The following MED12L variants were observed in gnomAD, a reference collection of about 807,000 sequenced individuals.
MED12L encodes the protein mediator of RNA polymerase II transcription subunit 12-like protein.
A neutral mutation model predicts 281.3 loss-of-function variants in MED12L; 60 were observed. The observed-to-expected ratio is 0.21, with a 90% CI of 0.17 to 0.26. MED12L has a LOEUF of 0.26. Among genes scored for constraint, MED12L ranks in the 10% least tolerant of loss-of-function variants. The pLI, the probability that MED12L is intolerant of heterozygous loss-of-function variation, is 1.00. For synonymous variants in MED12L, 974 were observed against 987.2 expected (o/e 0.99, Z 0.25); for missense variants, 2,146 against 2,680.9 (o/e 0.80, Z 4.41).
intron 2 of MED12L, among the ~76,000 whole-genome samples, chr3:151,091,654 T>G (rs1414159616): frequency 6.6e-6 from 1 of 152,234 alleles, no homozygotes. Context: ...TTAGTTCAGA[T>G]CTAAGGGAAT....
intron 16 of MED12L, among the ~76,000 whole-genome samples, chr3:151,201,557 A>T: frequency 6.6e-6 from 1 of 152,250 alleles, no homozygotes; most frequent in East Asian, 1.9e-4. Context: ...CTTTCACAGC[A>T]TGTTCAGGCA....
At chr3:151,197,439 C>T (rs1037303985) in intron 16 of MED12L, among the ~76,000 whole-genome samples, 2 of 152,144 alleles carry the variant, frequency 1.3e-5, no homozygotes, top group African/African-American at 2.4e-5. Flanking sequence ...TGAGCCACCA[C>T]GCCCGGCTGG....
chr3:151,406,063 A>G (rs1282221590), intron 39 of MED12L, among the ~76,000 whole-genome samples: 1 of 152,212 alleles, frequency 6.6e-6, no homozygotes, highest in African/African-American at 2.4e-5. Flanking sequence ...AAATTAACAG[A>G]TAACTAAGGT....
intron 11 of MED12L, among the ~76,000 whole-genome samples, chr3:151,180,627 A>G (rs909841194): frequency 1.3e-5 from 2 of 152,190 alleles, no homozygotes; most frequent in African/African-American, 4.8e-5. Context: ...GATGTGTTCA[A>G]AAGAACTCTT....
chr3:151,199,016 C>G lies in MED12L; in HGVS notation c.2250+5350C>G. On this transcript the variant is annotated intron_variant, in intron 16 of 44. Coordinates refer to ENST00000687756, the MANE Select transcript of MED12L (RefSeq NM_001393769.1). ...TTTGGCAAATCCGGGTTCTTGTATT[C>G]GGTAGATCTTGCAGCTGTGTGTCAG... is the stretch of plus-strand genomic sequence containing the variant. 6.2e-7 allele frequency: 1 copy of G among 1,614,050 alleles called. No homozygotes were observed. The highest frequency in any genetic ancestry group is 8.5e-7 in the Non-Finnish European group (1 of 1,180,002).
intron 16 of MED12L, among the ~76,000 whole-genome samples, chr3:151,217,932 A>G (rs763021496): frequency 7.9e-5 from 12 of 152,216 alleles, no homozygotes; most frequent in Admixed American, 7.9e-4. Context: ...TAAGGCAAGT[A>G]AGACCAAATT....
chr3:151,141,188 T>TTTTTTTG (rs1716953493), intron 5 of MED12L, among the ~76,000 whole-genome samples: 1 of 88,922 alleles, frequency 1.1e-5, no homozygotes, highest in Non-Finnish European at 2.1e-5. Context: ...GTTTTTTTTG[T>TTTTTTTG]TTTTTTTTTT....
At chr3:151,181,820 A>T (rs143533969) in intron 11 of MED12L, among the ~76,000 whole-genome samples, 1 of 152,046 alleles carries the variant, frequency 6.6e-6, no homozygotes, top group Non-Finnish European at 1.5e-5. Flanking sequence ...TCCTAACCTC[A>T]GGTGATCTGC....
At chr3:151,213,587 CA>C (rs766777039) in intron 16 of MED12L, 1 of 1,614,088 alleles carries the variant, frequency 6.2e-7, no homozygotes, top group Non-Finnish European at 8.5e-7. Context: ...ACAAAACAGA[CA>C]AAAAACACAA....
At chr3:151,107,594 G>A (rs1489264210) in intron 2 of MED12L, among the ~76,000 whole-genome samples, 3 of 152,164 alleles carry the variant, frequency 2.0e-5, no homozygotes, top group East Asian at 1.9e-4. Context: ...GGAATGGCAT[G>A]ATGTAAGGCT....
chr3:151,133,324 T>C (rs745639712), intron 5 of MED12L, among the ~76,000 whole-genome samples: 41 of 152,276 alleles, frequency 2.7e-4, no homozygotes, highest in Admixed American at 2.3e-3. Context: ...ATCCTTACTG[T>C]CGTTATGCAG....
In MED12L at chr3:151,213,283, T is replaced by C. The variant is rs1192829933; in HGVS notation, c.2250+19617T>C. 2 of 1,563,438 alleles carry C rather than the reference T, an allele frequency of 1.3e-6. 1 individual carries two copies. Among genetic ancestry groups the C allele is most frequent in the South Asian group, 2.5e-5 (2 of 81,516 alleles). The stretch of plus-strand genomic sequence containing the variant: ...ACAACATGCACACGTGGTCTTTCTT[T>C]GGAAGAGGGTAGGAACTCACAAAGT... On this transcript the variant is annotated intron_variant, in intron 16 of 44. Transcript: ENST00000687756.
intron 16 of MED12L, chr3:151,327,920 G>C (rs1437790765): frequency 1.8e-6 from 2 of 1,088,034 alleles, no homozygotes; most frequent in African/African-American, 1.6e-5. Flanking sequence ...TTTTTTTCTT[G>C]GTTAAATTTG....
chr3:151,247,603 G>A (rs1220533881), intron 16 of MED12L, among the ~76,000 whole-genome samples: 2 of 111,708 alleles, frequency 1.8e-5, no homozygotes, highest in Non-Finnish European at 4.0e-5. Flanking sequence ...CACACTCCGG[G>A]GACTGTTGTG....
chr3:151,424,589 G>C (rs951100614), intron 43 of MED12L, among the ~76,000 whole-genome samples: 3 of 151,776 alleles, frequency 2.0e-5, no homozygotes, highest in Non-Finnish European at 2.9e-5. Context: ...CCACTGCACT[G>C]TAGCCTGGAC....
At chr3:151,298,206 A>G (rs1458276953) in intron 16 of MED12L, among the ~76,000 whole-genome samples, 2 of 152,216 alleles carry the variant, frequency 1.3e-5, no homozygotes, top group African/African-American at 4.8e-5. Flanking sequence ...TGTACTCAGA[A>G]GCATTTCTCT....
intron 32 of MED12L, among the ~76,000 whole-genome samples, chr3:151,381,064 G>C (rs776863490): frequency 6.6e-5 from 10 of 152,192 alleles, no homozygotes; most frequent in Non-Finnish European, 1.2e-4. Flanking sequence ...TGAGGCTCTT[G>C]CATCTATGTA....
At chr3:151,347,955 C>G (rs761926615) in intron 16 of MED12L, among the ~76,000 whole-genome samples, 2 of 152,130 alleles carry the variant, frequency 1.3e-5, no homozygotes, top group African/African-American at 4.8e-5. Flanking sequence ...AATTTGGAGC[C>G]ATAGTGATCC....
intron 8 of MED12L, among the ~76,000 whole-genome samples, chr3:151,163,104 T>A (rs952952039): frequency 1.3e-4 from 20 of 152,242 alleles, no homozygotes; most frequent in Admixed American, 9.8e-4. Context: ...CAAACTTGGG[T>A]TGGTTACTAA....
Sources: allele counts gnomAD v4.1 joint callset (sites outside exome capture counted in the v4.1 genomes callset), GRCh38; gene constraint gnomAD v4.1.1; transcripts MANE v1.5; gene names NCBI Gene and HGNC (gene_info 2026-07-23, HGNC 2026-07-21).